The following KDM4C variants were observed in gnomAD, a reference collection of about 807,000 sequenced individuals.
KDM4C encodes the protein lysine demethylase 4C, also known as lysine-specific demethylase 4C.
KDM4C carries 81 observed loss-of-function variants against 129.3 expected under a neutral mutation model. The ratio of observed to expected loss-of-function variants is 0.63; its 90% CI spans 0.52 to 0.75. KDM4C has a LOEUF of 0.75. KDM4C is among the 30% of genes least tolerant of loss of function. The pLI, the probability that KDM4C is intolerant of heterozygous loss-of-function variation, is 0.00. For synonymous variants in KDM4C, 573 were observed against 456.1 expected, an observed-to-expected ratio of 1.26 and a Z score of -3.26; for missense variants, 1,457 against 1,304.0, an observed-to-expected ratio of 1.12 and a Z score of -1.81.
intron 1 of KDM4C, among the ~76,000 whole-genome samples, chr9:6,768,934 G>A (rs1403538925): frequency 6.6e-6 from 1 of 151,866 alleles, no homozygotes; most frequent in African/African-American, 2.4e-5. Flanking sequence ...CACCATGCCC[G>A]GGTAATTTTT....
At chr9:6,804,861 C>T (rs552218693) in intron 2 of KDM4C, among the ~76,000 whole-genome samples, 6 of 151,560 alleles carry the variant, frequency 4.0e-5, no homozygotes, top group Admixed American at 3.9e-4. Context: ...TAAAGATGAA[C>T]TTCTTTGGGG....
At chr9:7,117,858 C>T (rs1460575086) in intron 18 of KDM4C, among the ~76,000 whole-genome samples, 1 of 152,136 alleles carries the variant, frequency 6.6e-6, no homozygotes, top group Non-Finnish European at 1.5e-5. Context: ...AAGCTCATGC[C>T]AGGTTTTAGC....
At chr9:6,867,965 A>G (rs907121598) in intron 5 of KDM4C, among the ~76,000 whole-genome samples, 1 of 152,222 alleles carries the variant, frequency 6.6e-6, no homozygotes, top group African/African-American at 2.4e-5. Flanking sequence ...GTTTTCTGTG[A>G]TAGGTCCCTA....
At chr9:7,057,979 G>C (rs560669510) in intron 17 of KDM4C, among the ~76,000 whole-genome samples, 4 of 152,208 alleles carry the variant, frequency 2.6e-5, no homozygotes, top group African/African-American at 9.6e-5. Context: ...GCATGGTACA[G>C]CTGGGAGTCT....
chr9:7,083,711 A>ATTG (rs1554730845), intron 17 of KDM4C, among the ~76,000 whole-genome samples: 24 of 143,224 alleles, frequency 1.7e-4, no homozygotes, highest in Non-Finnish European at 3.0e-4. Context: ...CACATGACTG[A>ATTG]TGTGTGTGTG....
At position 7,014,025 on chromosome 9, in the gene KDM4C, A is replaced by G. The variant is rs79624024; in HGVS notation, c.2182+24A>G. ...AAGTAAATGGATCTATAATTCATCA[A>G]TCACTGGCTTTTCAGCATTTCACAT... is the stretch of plus-strand genomic sequence containing the variant. On this transcript the variant is annotated intron_variant, in intron 14 of 21. Transcript: ENST00000381309. 1,049 of 1,580,682 alleles carry G rather than the reference A, an allele frequency of 6.6e-4. 6 individuals carry two copies. In the African/African-American group the frequency reaches 0.012, roughly 19 times the overall value.
At chr9:6,898,568 T>G (rs1304906476) in intron 8 of KDM4C, among the ~76,000 whole-genome samples, 1 of 152,238 alleles carries the variant, frequency 6.6e-6, no homozygotes, top group Non-Finnish European at 1.5e-5. Flanking sequence ...CCAGGAGTAC[T>G]ACCTTACTAT....
chr9:6,834,474 A>T, intron 4 of KDM4C: 2 of 558,740 alleles, frequency 3.6e-6, no homozygotes, highest in Admixed American at 4.5e-5. Context: ...TGATATTGCT[A>T]CGCCCGTCGT....
rs1337670521 is a variant in KDM4C, at chr9:6,916,357, T to G, written c.921+23125T>G. Among the ~76,000 whole-genome samples, 6 of 152,128 alleles carry G rather than the reference T, an allele frequency of 3.9e-5. No individual in the cohort carries two copies. The East Asian group carries it at 7.7e-4, about 20-fold the overall frequency. ...TGTGTTTGCAATTTTAATGAGAGTT[T>G]TTTTTTTTTTGAAACAGGGTCTTGC... On this transcript the variant is annotated intron_variant, in intron 8 of 21. Coordinates refer to ENST00000381309, the MANE Select transcript of KDM4C (RefSeq NM_015061.6).
At chr9:6,835,016 T>A in intron 4 of KDM4C, 3 of 947,114 alleles carry the variant, frequency 3.2e-6, no homozygotes, top group Non-Finnish European at 5.2e-6. Context: ...CCTGACTACC[T>A]CATGAAGATC....
At chr9:7,099,585 G>A (rs567004227) in intron 17 of KDM4C, among the ~76,000 whole-genome samples, 1 of 152,244 alleles carries the variant, frequency 6.6e-6, no homozygotes, top group African/African-American at 2.4e-5. Flanking sequence ...GTCGGCATGA[G>A]TGACACCTTT....
intron 4 of KDM4C, chr9:6,835,363 A>G (rs1462182665): frequency 2.8e-6 from 3 of 1,068,258 alleles, no homozygotes; most frequent in African/African-American, 1.6e-5. Flanking sequence ...CGGCACCACC[A>G]TGTACCCTAG....
chr9:6,884,954 C>G (rs1461468591), intron 6 of KDM4C, among the ~76,000 whole-genome samples: 2 of 152,202 alleles, frequency 1.3e-5, no homozygotes, highest in Non-Finnish European at 2.9e-5. Context: ...TTAGACACAT[C>G]CACTCTATTT....
rs118176194 is a variant in KDM4C, at chr9:6,731,026, A to G, written c.49+10029A>G. On this transcript the variant is annotated intron_variant, in intron 1 of 17. Transcript: ENST00000536108. ...TCTCAGGCCATCCTTAGTTCGCTTT[A>G]ACAATCACCCTCTTTTGGTCATTTT... Among the ~76,000 whole-genome samples, 1,102 of 152,326 alleles carry G rather than the reference A, an allele frequency of 7.2e-3. 9 individuals carry two copies. Among genetic ancestry groups the G allele is most frequent in the Non-Finnish European group, 0.01 (690 of 68,024 alleles).
intron 4 of KDM4C, among the ~76,000 whole-genome samples, chr9:6,827,810 G>T (rs560987337): frequency 1.1e-4 from 17 of 152,332 alleles, no homozygotes; most frequent in African/African-American, 4.1e-4. Flanking sequence ...TCAGGTTTTA[G>T]TTCTGTGAAA....
At chr9:7,071,803 TTGAAAA>T (rs980658803) in intron 17 of KDM4C, among the ~76,000 whole-genome samples, 1 of 152,108 alleles carries the variant, frequency 6.6e-6, no homozygotes, top group African/African-American at 2.4e-5. Flanking sequence ...CTTCTGCTCT[TTGAAAA>T]ACACTTTTTG....
At chr9:6,953,471 T>C (rs189194708) in intron 8 of KDM4C, among the ~76,000 whole-genome samples, 2 of 152,378 alleles carry the variant, frequency 1.3e-5, no homozygotes, top group East Asian at 3.8e-4. Context: ...TCTCTTTGTC[T>C]TTCAAATTGC....
chr9:7,020,025 A>C (rs775258695), intron 15 of KDM4C, among the ~76,000 whole-genome samples: 4 of 151,942 alleles, frequency 2.6e-5, no homozygotes, highest in Non-Finnish European at 5.9e-5. Flanking sequence ...TGTGGGCTGG[A>C]TCTTTATCTG....
intron 12 of KDM4C, among the ~76,000 whole-genome samples, chr9:6,997,586 G>T (rs1424719219): frequency 1.3e-5 from 2 of 152,236 alleles, no homozygotes; most frequent in Non-Finnish European, 2.9e-5. Flanking sequence ...GGCACAAGCA[G>T]TTGCAAAATC....
Sources: gnomAD v4.1 joint callset for allele counts (sites outside exome capture counted in the v4.1 genomes callset) on GRCh38, gnomAD v4.1.1 for gene constraint, MANE v1.5 for transcripts, NCBI Gene and HGNC (gene_info 2026-07-23, HGNC 2026-07-21) for gene names.